CEP112: variants seen among roughly 807,000 people sequenced by gnomAD.
The protein encoded by CEP112 is centrosomal protein 112, also known as centrosomal protein of 112 kDa.
Under a neutral mutation model 153.0 loss-of-function variants are expected in CEP112, and 127 were observed. The observed-to-expected ratio is 0.83, with a 90% confidence interval of 0.72 to 0.96. The LOEUF (loss-of-function observed/expected upper bound fraction) is 0.96, where lower values mean the gene tolerates loss of function less well. CEP112 is among the 40% of genes least tolerant of loss of function. CEP112 has a pLI of 0.00. For missense variants in CEP112, 1,089 were observed against 1,101.2 expected (o/e 0.99, Z 0.16); for synonymous variants, 358 against 374.4 (o/e 0.96, Z 0.51).
chr17:65,999,022 G>A (rs17704083), intron 17 of CEP112, among the ~76,000 whole-genome samples: 62,504 of 151,616 alleles, frequency 0.41, 14,314 homozygotes, highest in East Asian at 0.87. Context: ...CATTCTCCAC[G>A]TTTGTTATAT....
At chr17:65,775,909 TA>T (rs1359014485) in intron 21 of CEP112, among the ~76,000 whole-genome samples, 1 of 152,260 alleles carries the variant, frequency 6.6e-6, no homozygotes, top group Non-Finnish European at 1.5e-5. Flanking sequence ...CAGTAACATG[TA>T]GCCATCAGAA....
At chr17:65,795,418 T>C (rs2054854589) in intron 21 of CEP112, among the ~76,000 whole-genome samples, 2 of 152,190 alleles carry the variant, frequency 1.3e-5, no homozygotes, top group African/African-American at 4.8e-5. Context: ...TTTAAGCAAC[T>C]TGTCAAAGAA....
At chr17:66,028,494 C>A in intron 14 of CEP112, 89 bp from the exon 15 acceptor site, 3 of 563,720 alleles carry the variant, frequency 5.3e-6, no homozygotes, top group Non-Finnish European at 9.0e-6. Flanking sequence ...CCTTTTGTAC[C>A]CCTGAAAGTC....
At chr17:66,082,277 A>G (rs2067753406) in intron 8 of CEP112, among the ~76,000 whole-genome samples, 1 of 152,224 alleles carries the variant, frequency 6.6e-6, no homozygotes, top group Admixed American at 6.5e-5. Context: ...GATGATGCTC[A>G]CTGTCACACA....
At chr17:66,044,809 T>C (rs1381476957) in intron 12 of CEP112, among the ~76,000 whole-genome samples, 4 of 152,162 alleles carry the variant, frequency 2.6e-5, no homozygotes, top group Non-Finnish European at 4.4e-5. Flanking sequence ...ATGTACTTAA[T>C]GCCACTGAAC....
At chr17:65,868,212 T>C (rs780417897) in intron 20 of CEP112, among the ~76,000 whole-genome samples, 1 of 152,086 alleles carries the variant, frequency 6.6e-6, no homozygotes, top group African/African-American at 2.4e-5. Context: ...AAGAAATACA[T>C]TGATGACCAG....
chr17:65,903,689 A>G (rs188957543), intron 19 of CEP112, among the ~76,000 whole-genome samples: 7 of 152,182 alleles, frequency 4.6e-5, no homozygotes, highest in South Asian at 2.1e-4. Flanking sequence ...ATTTTCCCTG[A>G]TGAACATCGA....
chr17:66,128,320 A>AG, intron 6 of CEP112, among the ~76,000 whole-genome samples: 1 of 151,114 alleles, frequency 6.6e-6, no homozygotes, highest in Admixed American at 6.6e-5. Flanking sequence ...AAAAAAAAAA[A>AG]AAGACAGAAA....
In CEP112 at chr17:66,029,400, C is replaced by T. The variant is rs533930586; in HGVS notation, c.1374-148G>A. On this transcript the variant is annotated intron_variant, in intron 13 of 26. Transcript: ENST00000535342. ...TTGTCAACTGCTTCTAAACATTCTG[C>T]TTATGTTAAAAACAGGTTGGGTACA... 4 of 728,080 alleles carry T rather than the reference C, an allele frequency of 5.5e-6. No homozygotes were observed. In the African/African-American group the frequency reaches 7.2e-5, roughly 13 times the overall value. 45.1% of individuals were successfully genotyped at this position (728,080 alleles called of 1,614,324 possible). A position where few individuals can be genotyped will look rare whatever the true frequency, so the allele number is the denominator to read the frequency against.
chr17:66,036,091 G>C (rs2065728116), intron 12 of CEP112, among the ~76,000 whole-genome samples: 2 of 152,200 alleles, frequency 1.3e-5, no homozygotes, highest in African/African-American at 4.8e-5. Context: ...AAAACATTAT[G>C]CTGCATGAAA....
intron 5 of CEP112, among the ~76,000 whole-genome samples, chr17:66,131,453 A>ATG (rs1357445160): frequency 6.6e-6 from 1 of 152,202 alleles, no homozygotes; most frequent in Non-Finnish European, 1.5e-5. Context: ...TAAAACAGTC[A>ATG]TGTGTTGGCC....
intron 23 of CEP112, among the ~76,000 whole-genome samples, chr17:65,714,700 T>C (rs903025101): frequency 6.6e-6 from 1 of 152,188 alleles, no homozygotes; most frequent in East Asian, 1.9e-4. Context: ...GTATTATTAT[T>C]TGGAATTGAT....
chr17:65,946,273 C>T (rs1568273739), intron 18 of CEP112, among the ~76,000 whole-genome samples: 2 of 152,268 alleles, frequency 1.3e-5, no homozygotes, highest in South Asian at 4.1e-4. Context: ...CAAAAATGTT[C>T]CTACATCTTC....
chr17:65,829,144 T>C (rs2056972735), intron 21 of CEP112, among the ~76,000 whole-genome samples: 1 of 152,212 alleles, frequency 6.6e-6, no homozygotes, highest in African/African-American at 2.4e-5. Flanking sequence ...ATGTCTTAAT[T>C]AGCATTTTCT....
chr17:65,917,545 A>G (rs1034216940), intron 19 of CEP112, among the ~76,000 whole-genome samples: 4 of 152,098 alleles, frequency 2.6e-5, no homozygotes, highest in Non-Finnish European at 5.9e-5. Flanking sequence ...ATTTTAAACA[A>G]TTCCCACTTT....
At chr17:66,137,505 C>T (rs1178793738) in intron 4 of CEP112, among the ~76,000 whole-genome samples, 3 of 152,078 alleles carry the variant, frequency 2.0e-5, no homozygotes, top group African/African-American at 4.8e-5. Flanking sequence ...AAGAGATCTA[C>T]ACCAGGACAC....
At chr17:65,644,298 C>T (rs932341099) in intron 24 of CEP112, 4 of 571,932 alleles carry the variant, frequency 7.0e-6, no homozygotes, top group Non-Finnish European at 1.3e-5. Flanking sequence ...TGGCACTCGG[C>T]AAGAAGGCCA....
At chr17:65,821,536 ATATATTTTTTTTTTTTTTT>A (rs1267190346) in intron 21 of CEP112, among the ~76,000 whole-genome samples, 3 of 36,078 alleles carry the variant, frequency 8.3e-5, no homozygotes, top group Non-Finnish European at 1.5e-4. Context: ...ATATATATAT[ATATATTTTTTTTTTTTTTT>A]TTTTTTTTTT....
intron 23 of CEP112, among the ~76,000 whole-genome samples, chr17:65,713,945 G>A (rs2049347047): frequency 6.6e-6 from 1 of 151,960 alleles, no homozygotes; most frequent in Non-Finnish European, 1.5e-5. Flanking sequence ...GAACACCAAA[G>A]CCACCTCTTC....
Sources: allele counts gnomAD v4.1 joint callset (sites outside exome capture counted in the v4.1 genomes callset), GRCh38; gene constraint gnomAD v4.1.1; transcripts MANE v1.5; gene names NCBI Gene and HGNC (gene_info 2026-07-23, HGNC 2026-07-21).